Variants in DENND1A observed in about 807,000 individuals in gnomAD.
DENND1A encodes DENN domain containing 1A, also known as DENN domain-containing protein 1A.
In DENND1A, 51 loss-of-function variants were observed where a neutral mutation model predicts 113.7. The observed-to-expected ratio is 0.45, with a 90% CI of 0.36 to 0.57. The LOEUF (loss-of-function observed/expected upper bound fraction) is 0.57. DENND1A is among the 20% of genes least tolerant of loss of function. The probability of loss-of-function intolerance (pLI) is 0.00; values close to 1 mark genes in which losing one functional copy is unlikely to be tolerated. For synonymous variants in DENND1A, 565 were observed against 570.8 expected (o/e 0.99, Z 0.14); for missense variants, 1,258 against 1,395.9 (o/e 0.90, Z 1.57).
chr9:123,869,944 A>G (rs1846282255), intron 2 of DENND1A, among the ~76,000 whole-genome samples: 1 of 149,174 alleles, frequency 6.7e-6, no homozygotes, highest in African/African-American at 2.5e-5. Flanking sequence ...GTGAACCATG[A>G]TCACGCCATT....
At chr9:123,563,786 T>C (rs1436166815) in intron 12 of DENND1A, among the ~76,000 whole-genome samples, 1 of 152,202 alleles carries the variant, frequency 6.6e-6, no homozygotes, top group Non-Finnish European at 1.5e-5. Context: ...ATTTAAGGCC[T>C]GTTATGGGCT....
chr9:123,597,649 G>A (rs2059755847), intron 11 of DENND1A, among the ~76,000 whole-genome samples: 2 of 152,224 alleles, frequency 1.3e-5, no homozygotes, highest in African/African-American at 2.4e-5. Flanking sequence ...AGCAGCAGCA[G>A]TGAGAAAGTG....
chr9:123,580,887 T>A (rs1214923753), intron 12 of DENND1A, among the ~76,000 whole-genome samples: 1 of 151,996 alleles, frequency 6.6e-6, no homozygotes, highest in Non-Finnish European at 1.5e-5. Flanking sequence ...ATACATAGAG[T>A]AGAAGCAGCA....
intron 2 of DENND1A, among the ~76,000 whole-genome samples, chr9:123,822,932 G>A (rs544911329): frequency 6.6e-6 from 1 of 152,276 alleles, no homozygotes; most frequent in East Asian, 1.9e-4. Flanking sequence ...GAAAAGAAGA[G>A]AATATTACAA....
chr9:123,479,184 C>T (rs1263327706), intron 13 of DENND1A, among the ~76,000 whole-genome samples: 1 of 152,186 alleles, frequency 6.6e-6, no homozygotes, highest in African/African-American at 2.4e-5. Flanking sequence ...TCATGACAAG[C>T]AGTTGGGGCC....
At chr9:123,722,135 A>G (rs1353918566) in intron 5 of DENND1A, among the ~76,000 whole-genome samples, 1 of 152,202 alleles carries the variant, frequency 6.6e-6, no homozygotes, top group East Asian at 1.9e-4. Context: ...GAACTGGAGC[A>G]AAAGTGACTC....
intron 13 of DENND1A, among the ~76,000 whole-genome samples, chr9:123,504,197 C>T (rs978932597): frequency 3.9e-5 from 6 of 152,192 alleles, no homozygotes; most frequent in Admixed American, 6.5e-5. Context: ...AGTTGCCCTT[C>T]GCCATCTGGT....
At chr9:123,608,098 A>C (rs541741924) in intron 11 of DENND1A, among the ~76,000 whole-genome samples, 1 of 152,310 alleles carries the variant, frequency 6.6e-6, no homozygotes, top group African/African-American at 2.4e-5. Context: ...ATCATCCCAG[A>C]TAGTCCATAA....
chr9:123,824,569 A>G (rs1400247527), intron 2 of DENND1A, among the ~76,000 whole-genome samples: 1 of 152,122 alleles, frequency 6.6e-6, no homozygotes, highest in Non-Finnish European at 1.5e-5. Context: ...TACATTGGGT[A>G]GCTTCAAAAC....
chr9:123,733,142 C>A (rs759925303), intron 5 of DENND1A, among the ~76,000 whole-genome samples: 1 of 152,050 alleles, frequency 6.6e-6, no homozygotes, highest in Admixed American at 6.6e-5. Context: ...CCACCACACT[C>A]GGCTAATTTT....
intron 13 of DENND1A, among the ~76,000 whole-genome samples, chr9:123,471,784 C>T (rs939334717): frequency 2.0e-5 from 3 of 152,216 alleles, no homozygotes; most frequent in Non-Finnish European, 2.9e-5. Flanking sequence ...GCTCCTCCCA[C>T]GACACCCCCG....
chr9:123,887,385 G>A (rs2133706452), intron 1 of DENND1A, among the ~76,000 whole-genome samples: 1 of 152,248 alleles, frequency 6.6e-6, no homozygotes, highest in Non-Finnish European at 1.5e-5. Context: ...CAATCCAACT[G>A]ATGAGGAAGA....
At chr9:123,799,576 G>C (rs914728895) in intron 2 of DENND1A, among the ~76,000 whole-genome samples, 1 of 152,192 alleles carries the variant, frequency 6.6e-6, no homozygotes, top group East Asian at 1.9e-4. Context: ...GCCAGGGGTA[G>C]AGTCCAGGAC....
chr9:123,746,741 T>C (rs1195544439), intron 5 of DENND1A, among the ~76,000 whole-genome samples: 1 of 152,146 alleles, frequency 6.6e-6, no homozygotes, highest in Non-Finnish European at 1.5e-5. Context: ...AGACCTAGAA[T>C]TGCAATCTCT....
intron 10 of DENND1A, among the ~76,000 whole-genome samples, chr9:123,612,022 A>G (rs1169261702): frequency 6.6e-6 from 1 of 152,250 alleles, no homozygotes; most frequent in African/African-American, 2.4e-5. Context: ...AAGTATTGTT[A>G]GAACTGCAAC....
At chr9:123,883,876 A>G (rs1295750602) in intron 1 of DENND1A, among the ~76,000 whole-genome samples, 1 of 151,764 alleles carries the variant, frequency 6.6e-6, no homozygotes, top group Non-Finnish European at 1.5e-5. Context: ...CTCAAAAAAA[A>G]AAAAAAAAAA....
chr9:123,904,112 A>C (rs1324261649), intron 1 of DENND1A, among the ~76,000 whole-genome samples: 1 of 152,116 alleles, frequency 6.6e-6, no homozygotes, highest in Admixed American at 6.5e-5. Context: ...GCAGGGGCAC[A>C]CTGACACCTC....
At chr9:123,725,316 TG>T (rs2067622315) in intron 5 of DENND1A, among the ~76,000 whole-genome samples, 1 of 152,234 alleles carries the variant, frequency 6.6e-6, no homozygotes, top group African/African-American at 2.4e-5. Flanking sequence ...AAAAGCTGAA[TG>T]GCTCAGGTCT....
intron 13 of DENND1A, among the ~76,000 whole-genome samples, chr9:123,485,143 C>T (rs2050687080): frequency 6.6e-6 from 1 of 152,140 alleles, no homozygotes; most frequent in Non-Finnish European, 1.5e-5. Context: ...CAGAGCCTGG[C>T]GTGCATGCAT....
Sources: gnomAD v4.1 joint callset for allele counts (sites outside exome capture counted in the v4.1 genomes callset) on GRCh38, gnomAD v4.1.1 for gene constraint, MANE v1.5 for transcripts, NCBI Gene and HGNC (gene_info 2026-07-23, HGNC 2026-07-21) for gene names.